The following COL9A1 variants were observed in gnomAD, a reference collection of about 807,000 sequenced individuals.
COL9A1 encodes the protein collagen type IX alpha 1 chain.
In COL9A1, 104 loss-of-function variants were observed where a neutral mutation model predicts 142.6. That is an observed-to-expected ratio of 0.73 (90% confidence interval 0.62 to 0.86). The LOEUF (loss-of-function observed/expected upper bound fraction) is 0.86. COL9A1 is among the 40% of genes least tolerant of loss of function. The pLI is 0.00. For missense variants in COL9A1, 1,210 were observed against 1,176.6 expected (o/e 1.03, Z -0.42); for synonymous variants, 466 against 396.0 (o/e 1.18, Z -2.10).
chr6:70,242,560 C>T (rs1198858786), intron 29 of COL9A1, 102 bp downstream of exon 29: 2 of 1,018,076 alleles, frequency 2.0e-6, no homozygotes, highest in East Asian at 2.4e-5. Context: ...CAAGAGAAAT[C>T]AAGTACAGGT....
intron 2 of COL9A1, 71 bp from the exon 3 acceptor site, chr6:70,300,457 TA>T (rs1774022894): frequency 1.7e-6 from 1 of 583,508 alleles, no homozygotes; most frequent in Non-Finnish European, 2.6e-6. Context: ...TAAAATAAAA[TA>T]AAATAATAAT....
At chr6:70,285,629 G>A (rs1249338618) in intron 5 of COL9A1, among the ~76,000 whole-genome samples, 1 of 152,180 alleles carries the variant, frequency 6.6e-6, no homozygotes, top group African/African-American at 2.4e-5. Context: ...AAACACTAAG[G>A]AAACATTCTG....
intron 35 of COL9A1, 64 bp downstream of exon 35, chr6:70,234,475 A>T: frequency 6.5e-7 from 1 of 1,541,736 alleles, no homozygotes. Flanking sequence ...TGTATCTACA[A>T]GAATAAAATC....
At chr6:70,258,412 T>C (rs1451802567) in intron 20 of COL9A1, 1 of 152,016 alleles carries the variant, frequency 6.6e-6, no homozygotes, top group Non-Finnish European at 1.5e-5. Flanking sequence ...GAATTAAAAA[T>C]TAGAAAATCC....
chr6:70,266,090 G>A (rs911934174), intron 18 of COL9A1, among the ~76,000 whole-genome samples: 1 of 152,130 alleles, frequency 6.6e-6, no homozygotes, highest in Non-Finnish European at 1.5e-5. Flanking sequence ...GATGAAAAGA[G>A]GGCAAATATG....
At chr6:70,294,046 C>T (rs560669837) in intron 5 of COL9A1, 121 bp downstream of exon 5, 2 of 1,364,690 alleles carry the variant, frequency 1.5e-6, no homozygotes, top group Admixed American at 3.4e-5. Context: ...TTAACTTCCT[C>T]TGATTCCAAA....
Position 70,236,112 on chromosome 6 carries a change from CAAAAAAAAAAAA to C in COL9A1, c.2113-1184_2113-1173del, listed in dbSNP as rs368419095. Among the ~76,000 whole-genome samples, 11 of 49,026 alleles carry C rather than the reference CAAAAAAAAAAAA, an allele frequency of 2.2e-4. 1 individual carries two copies. In the East Asian group the frequency reaches 0.011, roughly 49 times the overall value. 32.2% of individuals were successfully genotyped at this position (49,026 alleles called of 152,430 possible). A position where few individuals can be genotyped will look rare whatever the true frequency, so the allele number is the denominator to read the frequency against. ...TGGGTGACAGAGCGAGACTCCATCT[CAAAAAAAAAAAA>C]AAAAAAAAAAAAAAAAACTTGACCA... is the stretch of plus-strand genomic sequence containing the variant. On this transcript the variant is annotated intron_variant, in intron 33 of 37. Transcript: ENST00000357250.
intron 12 of COL9A1, among the ~76,000 whole-genome samples, chr6:70,273,693 C>G (rs1358816090): frequency 6.6e-6 from 1 of 152,072 alleles, no homozygotes; most frequent in Non-Finnish European, 1.5e-5. Flanking sequence ...ACACCATGGT[C>G]TAAACATTGA....
rs377513254 is a variant in COL9A1 at position 70,302,986 on chromosome 6, C to T, written c.-62G>A. 6.5e-7 allele frequency: 1 copy of T among 1,549,020 alleles called. No individual in the cohort carries two copies. The highest frequency in any genetic ancestry group is 1.4e-5 in the African/African-American group (1 of 73,638). ...TATGAAGAAGGGGTTGGAAGGGAGT[C>T]ACTGTCCCCTCACGACCCCTTCACT... On this transcript the variant is annotated 5_prime_UTR_variant, in exon 1 of 38. Transcript: ENST00000357250.
At chr6:70,284,721 A>G (rs1228068664) in intron 5 of COL9A1, among the ~76,000 whole-genome samples, 5 of 152,224 alleles carry the variant, frequency 3.3e-5, no homozygotes, top group Admixed American at 1.3e-4. Flanking sequence ...CTCTTAATTA[A>G]GGAGCTTTCT....
chr6:70,283,018 C>T, intron 6 of COL9A1, 100 bp from the exon 7 acceptor site: 1 of 1,611,732 alleles, frequency 6.2e-7, no homozygotes, highest in Non-Finnish European at 8.5e-7. Context: ...CAGCAGCAGC[C>T]CCAGGGCCCC....
At chr6:70,283,228 G>A (rs1773288843) in intron 6 of COL9A1, 2 of 1,453,618 alleles carry the variant, frequency 1.4e-6, no homozygotes, top group African/African-American at 2.8e-5. Flanking sequence ...GTTTATGAAT[G>A]GCCCCGGAGA....
At chr6:70,302,185 T>G (rs1774091182) in intron 1 of COL9A1, 111 bp from the exon 2 acceptor site, 2 of 649,502 alleles carry the variant, frequency 3.1e-6, no homozygotes, top group Non-Finnish European at 5.5e-6. Context: ...CAAATCACAG[T>G]ATAGTTTTTT....
At chr6:70,264,545 C>G (rs570800918) in intron 18 of COL9A1, among the ~76,000 whole-genome samples, 16 of 151,970 alleles carry the variant, frequency 1.1e-4, no homozygotes, top group Admixed American at 5.9e-4. Flanking sequence ...AATTCTACTT[C>G]TATTTCCCTA....
chr6:70,299,954 G>T, intron 4 of COL9A1, 89 bp downstream of exon 4: 3 of 1,258,242 alleles, frequency 2.4e-6, no homozygotes, highest in Non-Finnish European at 2.3e-6. Context: ...AAGAAACATT[G>T]ATCATAAGAA....
In COL9A1 at chr6:70,232,682, CG is replaced by C; in HGVS notation, c.2403del (p.Gly802AlafsTer29). The stretch of plus-strand genomic sequence containing the variant: ...GGGAAACCATTCTCTCCAGGAGGGC[CG>C]GGGGGACCAGGAGGGCCAGGCCTTC... ...LPGRPGPPGP[P>X]GPPGENGFPG... On this transcript the variant is annotated frameshift_variant, in exon 36 of 38. Transcript: ENST00000357250. LOFTEE classifies it high-confidence loss of function. The C allele has an allele frequency of 1.2e-6, 2 of 1,613,936 alleles. No homozygotes were observed. Among genetic ancestry groups the C allele is most frequent in the Non-Finnish European group, 1.7e-6 (2 of 1,179,998 alleles).
At chr6:70,250,603 C>A (rs759611598) in intron 28 of COL9A1, among the ~76,000 whole-genome samples, 16 of 152,170 alleles carry the variant, frequency 1.1e-4, no homozygotes, top group Non-Finnish European at 1.9e-4. Flanking sequence ...ATTCTCATGG[C>A]ACAAGACACC....
At chr6:70,294,601 T>G in intron 4 of COL9A1, 38 bp from the exon 5 acceptor site, 1 of 1,598,080 alleles carries the variant, frequency 6.3e-7, no homozygotes, top group Non-Finnish European at 8.6e-7. Context: ...TGCATCTTGT[T>G]TCCTGTACCC....
chr6:70,281,551 T>TG, intron 7 of COL9A1, 87 bp from the exon 8 acceptor site: 1 of 1,054,738 alleles, frequency 9.5e-7, no homozygotes, highest in Non-Finnish European at 1.4e-6. Flanking sequence ...CCCGCCTCCG[T>TG]GGGGTAAAAG....
Sources: gnomAD v4.1 joint callset for allele counts (sites outside exome capture counted in the v4.1 genomes callset) on GRCh38, gnomAD v4.1.1 for gene constraint, MANE v1.5 for transcripts, NCBI Gene and HGNC (gene_info 2026-07-23, HGNC 2026-07-21) for gene names.